Variants in PREP observed in about 807,000 individuals in gnomAD.
The protein encoded by PREP is prolyl endopeptidase.
PREP carries 29 observed loss-of-function variants against 87.6 expected under a neutral mutation model. That is an observed-to-expected ratio of 0.33 (90% confidence interval 0.25 to 0.45). PREP has a LOEUF of 0.45. Among genes scored for constraint, PREP ranks in the 20% least tolerant of loss-of-function variants. The pLI is 1.00. For missense variants in PREP, 695 were observed against 886.5 expected (o/e 0.78, Z 2.74); for synonymous variants, 337 against 328.6 (o/e 1.03, Z -0.28).
chr6:105,344,408 C>T lies in PREP; in HGVS notation c.823+8564G>A, dbSNP rs563959859. Among the ~76,000 whole-genome samples the T allele has an allele frequency of 4.6e-5, 7 of 150,866 alleles. No individual in the cohort carries two copies. The South Asian group carries it at 1.5e-3, about 32-fold the overall frequency. On this transcript the variant is annotated intron_variant, in intron 7 of 14. Transcript: ENST00000652536. ...TCAGGAGGCTTAGGCAGGAGAATGG[C>T]GTGAACCTGGGAGGTGGAGCTTGCA...
intron 1 of PREP, among the ~76,000 whole-genome samples, chr6:105,399,728 C>T (rs1773376091): frequency 6.6e-6 from 1 of 152,170 alleles, no homozygotes; most frequent in African/African-American, 2.4e-5. Flanking sequence ...TCTGCTTTTC[C>T]TAGCATTAAG....
At chr6:105,386,660 T>C (rs1336834516) in intron 2 of PREP, among the ~76,000 whole-genome samples, 1 of 152,170 alleles carries the variant, frequency 6.6e-6, no homozygotes, top group African/African-American at 2.4e-5. Context: ...ATGAAAGGTA[T>C]TATAATTGTT....
rs376419763 is a variant in PREP at position 105,333,289 on chromosome 6, A to G, written c.1015+25T>C. On this transcript the variant is annotated intron_variant, in intron 8 of 14. Coordinates refer to ENST00000652536, the MANE Select transcript of PREP (RefSeq NM_002726.5). ...TGTTCTCATCAAAAACAAGAGCACA[A>G]TTTTCAAGTCACATGTGTTCTCACC... 1.2e-4 allele frequency: 187 copies of G among 1,597,752 alleles called. 4 individuals are homozygous for G. The South Asian group carries it at 1.8e-3, about 15-fold the overall frequency.
At chr6:105,369,674 A>C (rs779130356) in intron 5 of PREP, among the ~76,000 whole-genome samples, 74 of 152,246 alleles carry the variant, frequency 4.9e-4, no homozygotes, top group Non-Finnish European at 9.6e-4. Flanking sequence ...GGACAACCAG[A>C]CATCCACAGG....
At chr6:105,314,690 C>T (rs919400012) in intron 10 of PREP, among the ~76,000 whole-genome samples, 3 of 152,200 alleles carry the variant, frequency 2.0e-5, no homozygotes, top group African/African-American at 7.2e-5. Context: ...CATAGAGGTC[C>T]TGAATCCCTC....
In PREP at chr6:105,299,506, C is replaced by T. The variant is rs182915057; in HGVS notation, c.1318-10612G>A. ...CCCAGCTATTCAGGAGGCTGAGGCACGAGAATCTCTTGAACCCAGAAGGCA... is the reference window on the plus strand; with the variant it reads ...CCCAGCTATTCAGGAGGCTGAGGCATGAGAATCTCTTGAACCCAGAAGGCA... On this transcript the variant is annotated intron_variant, in intron 10 of 14. Transcript: ENST00000652536. Among the ~76,000 whole-genome samples the T allele has an allele frequency of 1.4e-4, 21 of 152,096 alleles. No individual in the cohort carries two copies. The South Asian group carries it at 1.7e-3, about 12-fold the overall frequency.
At chr6:105,353,666 G>C (rs1384161948) in intron 6 of PREP, among the ~76,000 whole-genome samples, 2 of 151,296 alleles carry the variant, frequency 1.3e-5, no homozygotes, top group African/African-American at 2.4e-5. Flanking sequence ...CAGCTACTCG[G>C]GAGACTGAGG....
chr6:105,327,436 C>T (rs113526848), intron 9 of PREP, among the ~76,000 whole-genome samples: 1,710 of 152,264 alleles, frequency 0.011, 18 homozygotes, highest in Non-Finnish European at 0.019. Flanking sequence ...CTGCAAGGTG[C>T]TTGGGAAAGT....
intron 10 of PREP, among the ~76,000 whole-genome samples, chr6:105,312,227 T>G (rs1770772607): frequency 6.6e-6 from 1 of 152,206 alleles, no homozygotes; most frequent in Non-Finnish European, 1.5e-5. Flanking sequence ...AAAGACATGC[T>G]TGTATGCATA....
At chr6:105,395,173 A>G (rs1562229942) in intron 2 of PREP, among the ~76,000 whole-genome samples, 2 of 152,194 alleles carry the variant, frequency 1.3e-5, no homozygotes, top group African/African-American at 2.4e-5. Context: ...AAAAATATAT[A>G]TATTTTAAAA....
chr6:105,301,627 GAA>G (rs1770540745), intron 10 of PREP, among the ~76,000 whole-genome samples: 1 of 152,206 alleles, frequency 6.6e-6, no homozygotes, highest in Non-Finnish European at 1.5e-5. Flanking sequence ...AATACAGAAG[GAA>G]AGTCTATTCC....
intron 1 of PREP, 42 bp downstream of exon 1, chr6:105,402,805 C>A: frequency 5.3e-6 from 8 of 1,521,732 alleles, no homozygotes; most frequent in Non-Finnish European, 7.1e-6. Context: ...AGGCTGGGCA[C>A]CTTTGCCCGG....
At chr6:105,393,864 GATGTTTCTA>G (rs1264664483) in intron 2 of PREP, among the ~76,000 whole-genome samples, 2 of 151,344 alleles carry the variant, frequency 1.3e-5, no homozygotes, top group African/African-American at 4.9e-5. Context: ...GAGAGCTACA[GATGTTTCTA>G]ATGTCCTGAC....
chr6:105,278,521 T>A lies in PREP; in HGVS notation c.1839-83A>T. On this transcript the variant is annotated intron_variant, in intron 14 of 14. Transcript: ENST00000652536. This position sits in a 1 kb window ranked among gnomAD's most constrained non-coding sequence, Gnocchi z 4.2. ...AGGGACCTAGGTAGTTAATTAGCAG[T>A]GAGGACTGCAGTTAACTAGTACGTG... 7.2e-7 allele frequency: 1 copy of A among 1,387,830 alleles called. No homozygotes were observed. The highest frequency in any genetic ancestry group is 9.9e-7 in the Non-Finnish European group (1 of 1,005,234). 86.0% of individuals were successfully genotyped at this position (1,387,830 alleles called of 1,614,324 possible).
chr6:105,282,627 AAAT>A lies in PREP; in HGVS notation c.1550-48_1550-46del, dbSNP rs1405592575. 6.3e-6 allele frequency: 10 copies of A among 1,594,028 alleles called. No individual in the cohort carries two copies. The Admixed American group carries it at 1.4e-4, about 22-fold the overall frequency. ...AAGATAGTTAATTAACAAAACATAA[AAAT>A]AAGTTTAATCTAATGGGAATTCAAA... On this transcript the variant is annotated intron_variant, in intron 12 of 14. Coordinates refer to ENST00000652536, the MANE Select transcript of PREP (RefSeq NM_002726.5).
intron 7 of PREP, among the ~76,000 whole-genome samples, chr6:105,351,739 A>G (rs1182161786): frequency 1.3e-5 from 2 of 152,194 alleles, no homozygotes; most frequent in Non-Finnish European, 1.5e-5. Context: ...GCTCAGTTCT[A>G]TGAAGACCTA....
chr6:105,318,015 G>A (rs1770919142), intron 10 of PREP, among the ~76,000 whole-genome samples: 1 of 152,030 alleles, frequency 6.6e-6, no homozygotes, highest in Admixed American at 6.5e-5. Context: ...TGAGATTTAG[G>A]TACCTGGCCA....
Position 105,278,243 on chromosome 6 carries a change from C to T in PREP, c.2034G>A (p.Ala678=), listed in dbSNP as rs748194707. 14 of 1,614,092 alleles carry T rather than the reference C, an allele frequency of 8.7e-6. No homozygotes were observed. The South Asian group carries it at 1.2e-4, about 14-fold the overall frequency. Residue 678 remains alanine, a synonymous_variant, in exon 15 of 15, where the codon GCG becomes GCA. Transcript: ENST00000652536. The surrounding 1 kb of genome is among the most constrained non-coding windows in gnomAD (Gnocchi z 4.2). ...NPLLIHVDTK[A]GHGAGKPTAK... ...CTGTGGGCTTCCCCGCCCCGTGGCC[C>T]GCCTTGGTGTCCACGTGGATAAGCA...
At chr6:105,375,680 A>C (rs1170944038) in intron 4 of PREP, among the ~76,000 whole-genome samples, 1 of 152,204 alleles carries the variant, frequency 6.6e-6, no homozygotes, top group Non-Finnish European at 1.5e-5. Flanking sequence ...GATTTTTAAA[A>C]CTCTAATCGC....
Sources: allele counts gnomAD v4.1 joint callset (sites outside exome capture counted in the v4.1 genomes callset), GRCh38; gene constraint gnomAD v4.1.1; non-coding constraint Gnocchi (gnomAD v3.1); transcripts MANE v1.5; gene names NCBI Gene and HGNC (gene_info 2026-07-23, HGNC 2026-07-21).